The following SLC17A8 variants were observed in gnomAD, a reference collection of about 807,000 sequenced individuals.
SLC17A8 encodes solute carrier family 17 member 8.
SLC17A8 carries 31 observed loss-of-function variants against 58.0 expected under a neutral mutation model. The observed-to-expected ratio is 0.53, with a 90% CI of 0.40 to 0.72. The LOEUF (loss-of-function observed/expected upper bound fraction) is 0.72. Among genes scored for constraint, SLC17A8 ranks in the 30% least tolerant of loss-of-function variants. The pLI is 0.00. For synonymous variants in SLC17A8, 228 were observed against 249.0 expected (o/e 0.92, Z 0.79); for missense variants, 655 against 727.8 (o/e 0.90, Z 1.15).
intron 2 of SLC17A8, among the ~76,000 whole-genome samples, chr12:100,386,885 C>T (rs984780607): frequency 7.2e-5 from 11 of 152,044 alleles, no homozygotes; most frequent in African/African-American, 2.4e-4. Context: ...GACGGGGTTT[C>T]ACCACATTGG....
chr12:100,372,838 T>G (rs1402458346), intron 1 of SLC17A8, among the ~76,000 whole-genome samples: 1 of 152,196 alleles, frequency 6.6e-6, no homozygotes, highest in African/African-American at 2.4e-5. Flanking sequence ...CTGCTAGGAT[T>G]GCAGGCGTGA....
chr12:100,389,803 T>TATATTA (rs1952701684), intron 2 of SLC17A8, among the ~76,000 whole-genome samples: 2 of 88,766 alleles, frequency 2.3e-5, no homozygotes, highest in Non-Finnish European at 4.8e-5. Flanking sequence ...TGGCTAGATT[T>TATATTA]GTATTATTAT....
rs145107694 is a variant in SLC17A8 at position 100,402,608 on chromosome 12, C to T, written c.916C>T (p.Pro306Ser). The part of the protein sequence containing the change: ...NVVSLSKFST[P>S]WKRFFTSLPV... ...TTTTACTCCCTAGAAATTTAGTACC[C>T]CATGGAAAAGATTTTTCACATCTTT... is the stretch of plus-strand genomic sequence containing the variant. Residue 306 changes from proline to serine, a missense_variant, in exon 8 of 12, where the codon CCA becomes TCA. Pro to Ser is a moderately conservative substitution (Grantham distance 74, BLOSUM62 -1). Coordinates refer to ENST00000323346, the MANE Select transcript of SLC17A8 (RefSeq NM_139319.3). The T allele has an allele frequency of 3.1e-6, 5 of 1,613,716 alleles. No individual in the cohort carries two copies. The highest frequency in any genetic ancestry group is 2.2e-5 in the East Asian group (1 of 44,872).
chr12:100,415,807 T>C (rs1229605225), intron 10 of SLC17A8, among the ~76,000 whole-genome samples: 1 of 152,194 alleles, frequency 6.6e-6, no homozygotes, highest in Non-Finnish European at 1.5e-5. Flanking sequence ...ATATTCACTT[T>C]ATTGGTGGGG....
intron 10 of SLC17A8, among the ~76,000 whole-genome samples, chr12:100,417,139 C>T (rs1952912056): frequency 6.6e-6 from 1 of 152,198 alleles, no homozygotes. Context: ...CTTCTGACCT[C>T]AGGTGATCCA....
intron 1 of SLC17A8, among the ~76,000 whole-genome samples, chr12:100,363,785 A>G (rs536549337): frequency 3.9e-5 from 6 of 152,206 alleles, no homozygotes; most frequent in Non-Finnish European, 8.8e-5. Flanking sequence ...TCACACCTGT[A>G]ATCCCAGCAC....
intron 2 of SLC17A8, among the ~76,000 whole-genome samples, chr12:100,382,055 C>G (rs1411962364): frequency 1.3e-5 from 2 of 152,212 alleles, no homozygotes; most frequent in Non-Finnish European, 2.9e-5. Context: ...TGCATGTTTT[C>G]TTCCCATCCA....
At chr12:100,412,592 T>TAA (rs57500563) in intron 9 of SLC17A8, among the ~76,000 whole-genome samples, 178 bp from the exon 10 acceptor site, 24 of 72,036 alleles carry the variant, frequency 3.3e-4, no homozygotes, top group African/African-American at 4.3e-4. Context: ...CAAGTAAAGT[T>TAA]AAAAAAAAAA....
At chr12:100,406,830 C>T (rs1952829337) in intron 9 of SLC17A8, among the ~76,000 whole-genome samples, 1 of 152,214 alleles carries the variant, frequency 6.6e-6, no homozygotes, top group South Asian at 2.1e-4. Context: ...GCCACCTCGC[C>T]TGGCCTTGCT....
intron 3 of SLC17A8, 148 bp downstream of exon 3, chr12:100,391,267 T>G: frequency 1.5e-6 from 1 of 665,528 alleles, no homozygotes; most frequent in Non-Finnish European, 2.7e-6. Context: ...TGATCCCAAA[T>G]GACCCTGATC....
chr12:100,376,629 T>G (rs1174141817), intron 1 of SLC17A8, among the ~76,000 whole-genome samples: 1 of 152,230 alleles, frequency 6.6e-6, no homozygotes, highest in Admixed American at 6.5e-5. Flanking sequence ...CATGTCTCAC[T>G]GAGCTGTATT....
intron 1 of SLC17A8, among the ~76,000 whole-genome samples, chr12:100,368,863 T>G (rs959310489): frequency 4.6e-5 from 7 of 152,212 alleles, no homozygotes; most frequent in Non-Finnish European, 8.8e-5. Flanking sequence ...ACACTACATA[T>G]TAACACATAG....
At chr12:100,361,464 C>T (rs1156966928) in intron 1 of SLC17A8, among the ~76,000 whole-genome samples, 3 of 152,220 alleles carry the variant, frequency 2.0e-5, no homozygotes, top group Non-Finnish European at 4.4e-5. Context: ...TCAAAGATCC[C>T]CACTTTCCTG....
intron 1 of SLC17A8, among the ~76,000 whole-genome samples, chr12:100,359,804 T>A (rs1952473034): frequency 6.6e-6 from 1 of 152,204 alleles, no homozygotes; most frequent in South Asian, 2.1e-4. Flanking sequence ...TGGCACATAC[T>A]GGGCATTTCC....
At chr12:100,385,200 C>G (rs550534939) in intron 2 of SLC17A8, among the ~76,000 whole-genome samples, 1 of 148,240 alleles carries the variant, frequency 6.7e-6, no homozygotes, top group Admixed American at 6.8e-5. Context: ...GGCTGACTGG[C>G]TGAGCCTAGC....
rs1198077537 is a variant in SLC17A8, at chr12:100,357,474, C to A, written c.83C>A (p.Ser28Tyr). 7.4e-6 allele frequency: 12 copies of A among 1,612,510 alleles called. No homozygotes were observed. In the Admixed American group the frequency reaches 2.0e-4, roughly 27 times the overall value. Residue 28 changes from serine (S) to tyrosine (Y), a missense_variant, in exon 1 of 12, where the codon TCT (serine) becomes TAT (tyrosine). Coordinates refer to ENST00000323346, the MANE Select transcript of SLC17A8 (RefSeq NM_139319.3). ...GGAGTGAAGAACGCCGTGGGAGATT[C>A]TTTGGGAATTTTACAAAGGTAAAGT... ...KEGVKNAVGD[S>Y]LGILQRKIDG... is the part of the protein sequence containing the mutation.
intron 1 of SLC17A8, among the ~76,000 whole-genome samples, chr12:100,376,080 G>A (rs551432380): frequency 6.6e-6 from 1 of 152,304 alleles, no homozygotes; most frequent in South Asian, 2.1e-4. Flanking sequence ...ATAGAAGGAA[G>A]ACTATGTGAA....
intron 1 of SLC17A8, among the ~76,000 whole-genome samples, chr12:100,371,704 C>G (rs908476580): frequency 6.6e-6 from 1 of 152,170 alleles, no homozygotes; most frequent in South Asian, 2.1e-4. Flanking sequence ...CTTGCCAGCA[C>G]ACCCGGCTAA....
At chr12:100,367,469 T>C (rs1952527742) in intron 1 of SLC17A8, among the ~76,000 whole-genome samples, 1 of 152,232 alleles carries the variant, frequency 6.6e-6, no homozygotes, top group Admixed American at 6.5e-5. Flanking sequence ...AGAGAGGATG[T>C]AGACCTGGAC....
Sources: gnomAD v4.1 joint callset for allele counts (sites outside exome capture counted in the v4.1 genomes callset) on GRCh38, gnomAD v4.1.1 for gene constraint, MANE v1.5 for transcripts, NCBI Gene and HGNC (gene_info 2026-07-23, HGNC 2026-07-21) for gene names.